The following KCTD1 variants were observed in gnomAD, a reference collection of about 807,000 sequenced individuals.
KCTD1 encodes potassium channel tetramerization domain containing 1.
Under a neutral mutation model 66.0 loss-of-function variants are expected in KCTD1, and 24 were observed. That is an observed-to-expected ratio of 0.36 (90% CI 0.26 to 0.51). The LOEUF is 0.51. Among genes scored for constraint, KCTD1 ranks in the 20% least tolerant of loss-of-function variants. The pLI, the probability that KCTD1 is intolerant of heterozygous loss-of-function variation, is 0.95. For missense variants in KCTD1, 943 were observed against 1,205.2 expected (o/e 0.78, Z 3.22); for synonymous variants, 511 against 517.2 (o/e 0.99, Z 0.16).
chr18:26,494,815 T>C (rs1184197174), intron 2 of KCTD1, among the ~76,000 whole-genome samples: 1 of 152,176 alleles, frequency 6.6e-6, no homozygotes, highest in African/African-American at 2.4e-5. Flanking sequence ...CTTTTTTTTT[T>C]CAAAGATTAA....
intron 2 of KCTD1, among the ~76,000 whole-genome samples, chr18:26,496,942 A>G (rs1038604597): frequency 1.3e-5 from 2 of 152,152 alleles, no homozygotes; most frequent in Admixed American, 6.6e-5. Context: ...GAAAATCAAG[A>G]CCTCTTTGGA....
chr18:26,585,738 A>G lies in KCTD1; in HGVS notation c.-16+43409T>C, dbSNP rs575320591. The stretch of plus-strand genomic sequence containing the variant: ...CACATCTAATTTTAAAAAAGACAAA[A>G]TTGGCAAAATGAGAATAATAAGCAC... On this transcript the variant is annotated intron_variant, in intron 1 of 4. Coordinates refer to the KCTD1 transcript ENST00000317932. Among the ~76,000 whole-genome samples, 14 of 152,364 alleles carry G rather than the reference A, an allele frequency of 9.2e-5. No individual in the cohort carries two copies. The South Asian group carries it at 2.9e-3, about 32-fold the overall frequency.
intron 1 of KCTD1, among the ~76,000 whole-genome samples, chr18:26,569,269 C>T (rs1048463796): frequency 2.0e-5 from 3 of 152,114 alleles, no homozygotes; most frequent in Non-Finnish European, 4.4e-5. Context: ...AGATGCAGGG[C>T]CAGGAATTGA....
intron 1 of KCTD1, among the ~76,000 whole-genome samples, chr18:26,525,530 T>C (rs1021415491): frequency 6.6e-6 from 1 of 152,158 alleles, no homozygotes; most frequent in African/African-American, 2.4e-5. Context: ...TTCCAAAACC[T>C]TTGCGTGAGC....
chr18:26,542,662 T>C (rs1462924439), intron 1 of KCTD1, among the ~76,000 whole-genome samples: 1 of 152,208 alleles, frequency 6.6e-6, no homozygotes, highest in Non-Finnish European at 1.5e-5. Context: ...GCTTGAAAAC[T>C]ACTTAGTAAT....
intron 1 of KCTD1, among the ~76,000 whole-genome samples, chr18:26,512,891 G>T (rs1262864948): frequency 1.3e-5 from 2 of 152,052 alleles, no homozygotes; most frequent in Non-Finnish European, 2.9e-5. Flanking sequence ...TGAGGCAAGA[G>T]AATCACTTGA....
chr18:26,479,009 G>A (rs1981488194), intron 2 of KCTD1, among the ~76,000 whole-genome samples: 1 of 152,248 alleles, frequency 6.6e-6, no homozygotes, highest in African/African-American at 2.4e-5. Context: ...AAAAATAGGA[G>A]AGAAGTGTCA....
In KCTD1 at chr18:26,547,102, A is replaced by C; in HGVS notation, c.1435T>G (p.Cys479Gly). The stretch of plus-strand genomic sequence containing the variant: ...GCCCCGTTCAGAGCCTCGGCGTAGC[A>C]GCCCTGCGGGGCGGGCGAGCCCAGC... ...TKLGSPAPQG[C>G]YAEALNGAAR... is the part of the protein sequence containing the mutation. The change falls in exon 1 of 5, where the codon TGC (cysteine) becomes GGC (glycine). Residue 479 changes from cysteine to glycine, a missense_variant. This residue lies in a region of KCTD1 where 197 missense variants were observed against 182.7 expected (regional missense o/e 1.08). Transcript: ENST00000580059. 1 of 1,548,198 alleles carries C rather than the reference A, an allele frequency of 6.5e-7. No individual in the cohort carries two copies. Among genetic ancestry groups the C allele is most frequent in the Non-Finnish European group, 8.7e-7 (1 of 1,146,426 alleles).
chr18:26,492,295 G>T (rs1439325872), intron 2 of KCTD1, among the ~76,000 whole-genome samples: 1 of 151,928 alleles, frequency 6.6e-6, no homozygotes, highest in Non-Finnish European at 1.5e-5. Context: ...TTTTGTTGTT[G>T]TTGTTGAGTC....
intron 1 of KCTD1, among the ~76,000 whole-genome samples, chr18:26,534,147 A>G (rs1027940659): frequency 7.2e-5 from 11 of 152,196 alleles, no homozygotes; most frequent in African/African-American, 2.6e-4. Context: ...ATTCATTTCA[A>G]TTTTTTTATT....
intron 1 of KCTD1, among the ~76,000 whole-genome samples, chr18:26,502,612 A>T (rs954420804): frequency 1.3e-5 from 2 of 152,250 alleles, no homozygotes; most frequent in African/African-American, 4.8e-5. Context: ...ACCACAGACA[A>T]GTAAAGATAG....
At chr18:26,640,267 C>G (rs1322867193) in intron 1 of KCTD1, 1 of 152,026 alleles carries the variant, frequency 6.6e-6, no homozygotes, top group Non-Finnish European at 1.5e-5. Flanking sequence ...GAGACCTCAT[C>G]CCTCCAGAAA....
At chr18:26,623,426 T>C (rs1053110899) in intron 1 of KCTD1, among the ~76,000 whole-genome samples, 1 of 152,194 alleles carries the variant, frequency 6.6e-6, no homozygotes, top group Admixed American at 6.5e-5. Flanking sequence ...TAGGATGTAA[T>C]TGAATCATGG....
At chr18:26,504,095 C>G (rs771033383) in intron 1 of KCTD1, among the ~76,000 whole-genome samples, 3 of 152,114 alleles carry the variant, frequency 2.0e-5, no homozygotes, top group Non-Finnish European at 2.9e-5. Context: ...GAGACAGAGT[C>G]TCTCTCTGTT....
chr18:26,472,686 G>A (rs115040084), intron 3 of KCTD1, among the ~76,000 whole-genome samples: 109 of 152,338 alleles, frequency 7.2e-4, no homozygotes, highest in African/African-American at 1.5e-3. Flanking sequence ...GGGAGCGCCC[G>A]ACGTTGGTGG....
intron 2 of KCTD1, among the ~76,000 whole-genome samples, chr18:26,492,280 C>G (rs1982242128): frequency 6.6e-6 from 1 of 151,848 alleles, no homozygotes; most frequent in South Asian, 2.1e-4. Flanking sequence ...TAGGGGCAGG[C>G]AATTTTTTGT....
chr18:26,463,544 T>G (rs1183768043), intron 3 of KCTD1, among the ~76,000 whole-genome samples: 10 of 145,262 alleles, frequency 6.9e-5, no homozygotes, highest in Admixed American at 1.4e-4. Context: ...GAATACGGTT[T>G]TTTTTTTTTG....
At chr18:26,583,374 A>T (rs1419275986) in intron 1 of KCTD1, among the ~76,000 whole-genome samples, 1 of 131,846 alleles carries the variant, frequency 7.6e-6, no homozygotes, top group Non-Finnish European at 1.5e-5. Context: ...AATCTGGGTG[A>T]CAGAGCAAGA....
At chr18:26,562,691 A>G (rs1035271477) in intron 1 of KCTD1, among the ~76,000 whole-genome samples, 1 of 152,186 alleles carries the variant, frequency 6.6e-6, no homozygotes, top group Non-Finnish European at 1.5e-5. Flanking sequence ...AACAACAGAA[A>G]TTAATTTTCT....
Sources: gnomAD v4.1 joint callset for allele counts (sites outside exome capture counted in the v4.1 genomes callset) on GRCh38, gnomAD v4.1.1 for gene constraint, gnomAD v4.1.1 regional missense constraint, MANE v1.5 for transcripts, NCBI Gene and HGNC (gene_info 2026-07-23, HGNC 2026-07-21) for gene names.